CHN1: variants seen among roughly 807,000 people sequenced by gnomAD.
CHN1 encodes N-chimaerin.
CHN1 carries 37 observed loss-of-function variants against 59.5 expected under a neutral mutation model. The observed-to-expected ratio is 0.62, with a 90% CI of 0.48 to 0.82. The LOEUF is 0.82. CHN1 is among the 40% of genes least tolerant of loss of function. The pLI is 0.00. For missense variants in CHN1, 469 were observed against 571.0 expected (o/e 0.82, Z 1.82); for synonymous variants, 206 against 200.4 (o/e 1.03, Z -0.24).
chr2:174,997,008 T>C (rs549672064), intron 1 of CHN1, among the ~76,000 whole-genome samples: 2 of 152,312 alleles, frequency 1.3e-5, no homozygotes, highest in South Asian at 4.1e-4. Flanking sequence ...CTATTTTTCT[T>C]CAAAGCATTT....
intron 3 of CHN1, chr2:174,921,070 T>C (rs1689003336): frequency 2.6e-6 from 1 of 391,474 alleles, no homozygotes; most frequent in Admixed American, 2.4e-5. Flanking sequence ...GCTCAGGCAA[T>C]AATGTGGGCA....
chr2:174,974,797 A>G (rs1242182853), intron 1 of CHN1, among the ~76,000 whole-genome samples: 4 of 152,160 alleles, frequency 2.6e-5, no homozygotes, highest in Admixed American at 2.6e-4. Context: ...TCATGCACAT[A>G]TAACATATAT....
intron 6 of CHN1, among the ~76,000 whole-genome samples, chr2:174,868,792 G>C (rs560279861): frequency 6.6e-6 from 1 of 152,290 alleles, no homozygotes; most frequent in East Asian, 1.9e-4. Flanking sequence ...CACCTACATA[G>C]TTTCAAGGAG....
chr2:174,823,520 G>A (rs1433947920), intron 8 of CHN1, among the ~76,000 whole-genome samples: 1 of 151,996 alleles, frequency 6.6e-6, no homozygotes, highest in Non-Finnish European at 1.5e-5. Context: ...AAAATTAGCT[G>A]GGTGTGGTGG....
chr2:174,974,894 TTAATACACACACAC>T (rs1175561179), intron 1 of CHN1, among the ~76,000 whole-genome samples: 16 of 77,276 alleles, frequency 2.1e-4, no homozygotes, highest in Admixed American at 8.5e-4. Context: ...TAAGAAATAA[TTAATACACACACAC>T]ACACACACAC....
chr2:174,843,666 C>G (rs1308093934), intron 7 of CHN1, among the ~76,000 whole-genome samples: 1 of 151,338 alleles, frequency 6.6e-6, no homozygotes, highest in East Asian at 1.9e-4. Context: ...TCAGATGAAC[C>G]CTTAAGTATA....
At chr2:174,996,803 C>A (rs1691726333) in intron 1 of CHN1, among the ~76,000 whole-genome samples, 2 of 152,158 alleles carry the variant, frequency 1.3e-5, no homozygotes, top group African/African-American at 4.8e-5. Context: ...TCCACTCCAG[C>A]CATGCTGGCC....
rs144415806 is a variant in CHN1 at position 174,918,661 on chromosome 2, T to C, written c.115-96A>G. The C allele has an allele frequency of 3.1e-5, 32 of 1,021,832 alleles. No homozygotes were observed. In the African/African-American group the frequency reaches 4.8e-4, roughly 15 times the overall value. 63.3% of individuals were successfully genotyped at this position (1,021,832 alleles called of 1,614,324 possible). A position where few individuals can be genotyped will look rare whatever the true frequency, so the allele number is the denominator to read the frequency against. On this transcript the variant is annotated intron_variant, in intron 3 of 12. Transcript: ENST00000409900. ...TGCATGTGACAAAGTAAAGCATATATTAAAAAAAGAATTCAAATAACAGAG... is the reference window on the plus strand; with the variant it reads ...TGCATGTGACAAAGTAAAGCATATACTAAAAAAAGAATTCAAATAACAGAG...
In CHN1 at chr2:174,802,808, G is replaced by C. The variant is rs919461655; in HGVS notation, c.1103-996C>G. Among the ~76,000 whole-genome samples the C allele has an allele frequency of 5.3e-5, 8 of 152,252 alleles. No homozygotes were observed. The East Asian group carries it at 1.4e-3, about 26-fold the overall frequency. ...TAATCCCAGCACTTTGGGAGGCCGA[G>C]GGGGGTGGGTCATGAGGTCAGGAGT... On this transcript the variant is annotated intron_variant, in intron 11 of 12. Coordinates refer to ENST00000409900, the MANE Select transcript of CHN1 (RefSeq NM_001822.7).
chr2:174,964,549 C>T (rs1366926597), intron 1 of CHN1, among the ~76,000 whole-genome samples: 1 of 152,162 alleles, frequency 6.6e-6, no homozygotes, highest in Non-Finnish European at 1.5e-5. Context: ...GCATGTACTA[C>T]CAGAGAAATC....
intron 1 of CHN1, among the ~76,000 whole-genome samples, chr2:175,000,990 G>A (rs1691871953): frequency 6.6e-6 from 1 of 152,190 alleles, no homozygotes; most frequent in Non-Finnish European, 1.5e-5. Context: ...CAATCATAGT[G>A]CAACTACAGT....
At position 174,846,938 on chromosome 2, in the gene CHN1, C is replaced by A; in HGVS notation, c.569G>T (p.Arg190Ile). Residue 190 changes from arginine (R) to isoleucine (I), a missense_variant, in exon 7 of 13, where the codon AGA becomes ATA. Arg to Ile is a moderately conservative substitution (Grantham distance 97). Coordinates refer to ENST00000409900, the MANE Select transcript of CHN1 (RefSeq NM_001822.7). ...TTGCTCGTTTTCTTTCAGAGTTGCTCTTCTAACAAGTGATGTCAACTGCGA... is the reference window on the plus strand; with the variant it reads ...TTGCTCGTTTTCTTTCAGAGTTGCTATTCTAACAAGTGATGTCAACTGCGA... ...SEKRLTSLVR[R>I]ATLKENEQIP... 6.4e-7 allele frequency: 1 copy of A among 1,553,908 alleles called. No individual in the cohort carries two copies. Among genetic ancestry groups the A allele is most frequent in the Middle Eastern group, 1.7e-4 (1 of 5,992 alleles).
chr2:174,957,451 G>C (rs1275336306), intron 1 of CHN1, among the ~76,000 whole-genome samples: 1 of 141,912 alleles, frequency 7.0e-6, no homozygotes, highest in Non-Finnish European at 1.5e-5. Flanking sequence ...TGTGTTGGGG[G>C]GGGGGGCAGT....
rs1294188862 is a variant in CHN1 at position 175,004,883 on chromosome 2, G to A, written c.19+11C>T. On this transcript the variant is annotated intron_variant, in intron 1 of 12. Transcript: ENST00000409900. ...CCACCTGCGGCGGCGCGGGGAGACGGCTGCACTTACCAAACAGGGTCAGGG... is the reference window on the plus strand; with the variant it reads ...CCACCTGCGGCGGCGCGGGGAGACGACTGCACTTACCAAACAGGGTCAGGG... 4.0e-6 allele frequency: 6 copies of A among 1,498,720 alleles called. No individual in the cohort carries two copies. The highest frequency in any genetic ancestry group is 2.1e-5 in the Admixed American group (1 of 47,418). The allele number at this position is 1,498,720 out of a possible 1,614,324, so 92.8% of individuals were successfully genotyped here. A position where few individuals can be genotyped will look rare whatever the true frequency, so the allele number is the denominator to read the frequency against.
At chr2:174,921,219 T>C (rs78596985) in intron 3 of CHN1, among the ~76,000 whole-genome samples, 2,291 of 152,336 alleles carry the variant, frequency 0.015, 54 homozygotes, top group African/African-American at 0.051. Context: ...TAGCATACCC[T>C]ACTGGCTTAT....
At chr2:174,951,862 T>C (rs942217580) in intron 2 of CHN1, among the ~76,000 whole-genome samples, 4 of 152,206 alleles carry the variant, frequency 2.6e-5, no homozygotes, top group Admixed American at 6.5e-5. Flanking sequence ...ACTGTTTGAA[T>C]TCTCAGTGTC....
rs2105479678 is a variant in CHN1, at chr2:175,005,032, T to G, written c.-120A>C. On this transcript the variant is annotated 5_prime_UTR_variant, in exon 1 of 13. Transcript: ENST00000409900. ...GAGTGGGGTGCCCGATGGGGCGTGC[T>G]GGGGGCGCCGGCGCCCGGGGAGGCT... 1.4e-6 allele frequency: 2 copies of G among 1,399,728 alleles called. No homozygotes were observed. Among genetic ancestry groups the G allele is most frequent in the Middle Eastern group, 2.6e-4 (1 of 3,786 alleles). The allele number at this position is 1,399,728 out of a possible 1,614,324, so 86.7% of individuals were successfully genotyped here.
chr2:174,801,170 A>C (rs1467680490), intron 12 of CHN1, among the ~76,000 whole-genome samples: 1 of 152,196 alleles, frequency 6.6e-6, no homozygotes, highest in African/African-American at 2.4e-5. Flanking sequence ...TCAAACCACA[A>C]TTAACTGAAA....
At chr2:174,989,816 T>C (rs1304490086) in intron 1 of CHN1, among the ~76,000 whole-genome samples, 1 of 152,018 alleles carries the variant, frequency 6.6e-6, no homozygotes, top group Non-Finnish European at 1.5e-5. Flanking sequence ...TGCATGTTTA[T>C]CTTAAATGTA....
Sources: gnomAD v4.1 joint callset for allele counts (sites outside exome capture counted in the v4.1 genomes callset) on GRCh38, gnomAD v4.1.1 for gene constraint, MANE v1.5 for transcripts, NCBI Gene and HGNC (gene_info 2026-07-23, HGNC 2026-07-21) for gene names.